STS: variants seen among roughly 807,000 people sequenced by gnomAD.
STS encodes the protein steryl-sulfatase.
A neutral mutation model predicts 26.8 loss-of-function variants in STS; 7 were observed. That is an observed-to-expected ratio of 0.26 (90% CI 0.15 to 0.49). STS has a LOEUF of 0.49. Among genes scored for constraint, STS ranks in the 20% least tolerant of loss-of-function variants. The pLI, the probability that STS is intolerant of heterozygous loss-of-function variation, is 0.98. For synonymous variants in STS, 199 were observed against 189.4 expected, an observed-to-expected ratio of 1.05 and a Z score of -0.42; for missense variants, 434 against 465.6, an observed-to-expected ratio of 0.93 and a Z score of 0.63.
rs760966135 is a variant in STS at position 7,259,401 on chromosome X, C to T, written c.435C>T (p.His145=). The change falls in exon 6 of 11, where the codon CAC becomes CAT. Residue 145 remains histidine (H), a synonymous_variant. Coordinates refer to ENST00000674429, the MANE Select transcript of STS (RefSeq NM_001320752.2). ...ACAGCAAGACTGACTTCTGTCACCACCCTTTACATCACGGCTTCAATTATT... is the reference window on the plus strand; with the variant it reads ...ACAGCAAGACTGACTTCTGTCACCATCCTTTACATCACGGCTTCAATTATT... ...SCHSKTDFCH[H]PLHHGFNYFY... is the part of the protein sequence containing the mutation. 7.4e-6 allele frequency: 9 copies of T among 1,211,334 alleles called. No individual in the cohort carries two copies. Among genetic ancestry groups the T allele is most frequent in the Non-Finnish European group, 1.0e-5 (9 of 895,306 alleles).
At chrX:7,219,080 T>G (rs1308767956) in intron 2 of STS, among the ~76,000 whole-genome samples, 1 of 111,847 alleles carries the variant, frequency 8.9e-6, no homozygotes, top group African/African-American at 3.3e-5. Context: ...TTTATAGACC[T>G]TAAAATAAAG....
chrX:7,201,123 A>G (rs1872929925), intron 2 of STS, among the ~76,000 whole-genome samples: 2 of 111,467 alleles, frequency 1.8e-5, no homozygotes, highest in African/African-American at 3.3e-5. Context: ...ACAGATATAT[A>G]GATAGATGAT....
At chrX:7,231,759 G>A (rs762735292) in intron 2 of STS, among the ~76,000 whole-genome samples, 1 of 109,981 alleles carries the variant, frequency 9.1e-6, no homozygotes, top group African/African-American at 3.3e-5. Flanking sequence ...TTGTCTCTTT[G>A]CAGTCAGCTC....
chrX:7,334,072 C>T lies in STS; in HGVS notation c.1328C>T (p.Ala443Val). The T allele has an allele frequency of 8.3e-7, 1 of 1,211,469 alleles. No individual in the cohort carries two copies. Among genetic ancestry groups the T allele is most frequent in the Non-Finnish European group, 1.1e-6 (1 of 895,366 alleles). ...GAGTTTCTCTTCCATTACTGCAACG[C>T]CTACTTAAATGCTGTGCGCTGGCAC... is the stretch of plus-strand genomic sequence containing the variant. The part of the protein sequence containing the change: ...DHEFLFHYCN[A>V]YLNAVRWHPQ... The change falls in exon 10 of 11, where the codon GCC (alanine) becomes GTC (valine). Residue 443 changes from alanine (A) to valine (V), a missense_variant. Physicochemically the swap from Ala to Val is moderately conservative, Grantham distance 64. Coordinates refer to ENST00000674429, the MANE Select transcript of STS (RefSeq NM_001320752.2).
At chrX:7,284,988 ATGT>A (rs1420532826) in intron 7 of STS, among the ~76,000 whole-genome samples, 1 of 110,641 alleles carries the variant, frequency 9.0e-6, no homozygotes, top group Non-Finnish European at 1.9e-5. Flanking sequence ...GATAGTGATA[ATGT>A]TGATGATGAT....
chrX:7,204,476 C>A (rs1319615804), intron 2 of STS, among the ~76,000 whole-genome samples: 1 of 106,922 alleles, frequency 9.4e-6, no homozygotes, highest in African/African-American at 3.4e-5. Flanking sequence ...CCCCTTCTTT[C>A]CTTCCTCCCT....
At chrX:7,346,810 G>A (rs1928549123) in intron 10 of STS, among the ~76,000 whole-genome samples, 1 of 112,473 alleles carries the variant, frequency 8.9e-6, no homozygotes, top group African/African-American at 3.2e-5. Context: ...GCTCACACCT[G>A]TAATCCCAGT....
intron 7 of STS, among the ~76,000 whole-genome samples, chrX:7,279,413 CTGTG>C (rs60649361): frequency 0.023 from 1,815 of 80,002 alleles, 55 homozygotes; most frequent in African/African-American, 0.074. Flanking sequence ...GTGTGTGTGT[CTGTG>C]TGTGTGTGTG....
intron 5 of STS, among the ~76,000 whole-genome samples, chrX:7,258,878 G>A (rs1421332492): frequency 9.6e-6 from 1 of 104,278 alleles, no homozygotes; most frequent in African/African-American, 3.5e-5. Flanking sequence ...TTAAGGGCCT[G>A]TCTCAGAAAA....
At chrX:7,323,624 C>G (rs191989019) in intron 8 of STS, among the ~76,000 whole-genome samples, 66 of 111,705 alleles carry the variant, frequency 5.9e-4, no homozygotes, top group African/African-American at 2.1e-3. Context: ...CAATCCCTGT[C>G]GATGGGCACC....
At chrX:7,349,708 G>A (rs1161791842) in intron 10 of STS, among the ~76,000 whole-genome samples, 180 bp from the exon 11 acceptor site, 2 of 111,544 alleles carry the variant, frequency 1.8e-5, no homozygotes, top group Non-Finnish European at 3.8e-5. Flanking sequence ...GGCTGTGTGT[G>A]TGGGCGTCTA....
intron 1 of STS, among the ~76,000 whole-genome samples, chrX:7,151,931 T>C (rs1357898717): frequency 2.7e-5 from 3 of 111,357 alleles, no homozygotes; most frequent in Admixed American, 9.5e-5. Context: ...GGCTTAGGAT[T>C]ATTATTATTA....
chrX:7,269,786 A>G (rs754409319), intron 6 of STS, among the ~76,000 whole-genome samples: 1 of 111,590 alleles, frequency 9.0e-6, no homozygotes, highest in Admixed American at 9.5e-5. Flanking sequence ...TGATACCGCT[A>G]TCTGATTTAT....
chrX:7,291,439 C>T (rs1205392719), intron 7 of STS, among the ~76,000 whole-genome samples: 1 of 112,239 alleles, frequency 8.9e-6, no homozygotes, highest in Non-Finnish European at 1.9e-5. Context: ...AAGGTTATAA[C>T]ATAGCATATA....
At chrX:7,179,385 C>T (rs1029618144) in intron 1 of STS, among the ~76,000 whole-genome samples, 5 of 108,483 alleles carry the variant, frequency 4.6e-5, no homozygotes, top group African/African-American at 1.7e-4. Flanking sequence ...ATAATGAGCT[C>T]TCTCTGTCCT....
chrX:7,284,919 TTGATGG>T (rs747294007), intron 7 of STS, among the ~76,000 whole-genome samples: 89 of 111,207 alleles, frequency 8.0e-4, no homozygotes, highest in African/African-American at 2.6e-3. Flanking sequence ...TGGTGTTGTG[TTGATGG>T]TGATGGTGAT....
rs1928745874 is a variant in STS at position 7,350,381 on chromosome X, C to T, written c.*120C>T. On this transcript the variant is annotated 3_prime_UTR_variant, in exon 11 of 11. Transcript: ENST00000674429. The stretch of plus-strand genomic sequence containing the variant: ...TACACCTTGGATTTGGACTGATTCT[C>T]CATTTTATCACCTGAAGGCTTGGGC... The T allele has an allele frequency of 2.0e-6, 2 of 999,998 alleles. No homozygotes were observed. The highest frequency in any genetic ancestry group is 6.6e-5 in the East Asian group (2 of 30,092). The allele number at this position is 999,998 out of a possible 1,213,427, so 82.4% of individuals were successfully genotyped here. A position where few individuals can be genotyped will look rare whatever the true frequency, so the allele number is the denominator to read the frequency against.
intron 1 of STS, among the ~76,000 whole-genome samples, chrX:7,186,277 A>G (rs1488809399): frequency 8.9e-6 from 1 of 112,463 alleles, no homozygotes; most frequent in Non-Finnish European, 1.9e-5. Context: ...TGTAACATTT[A>G]ACATCCATAT....
chrX:7,207,699 A>G (rs1025546804), intron 2 of STS, among the ~76,000 whole-genome samples: 8 of 112,187 alleles, frequency 7.1e-5, no homozygotes, highest in Non-Finnish European at 1.5e-4. Context: ...TGGAAGAAGG[A>G]TCATTATGCA....
Sources: gnomAD v4.1 joint callset for allele counts (sites outside exome capture counted in the v4.1 genomes callset) on GRCh38, gnomAD v4.1.1 for gene constraint, MANE v1.5 for transcripts, NCBI Gene and HGNC (gene_info 2026-07-23, HGNC 2026-07-21) for gene names.